The following SPNS2 variants were observed in gnomAD, a reference collection of about 807,000 sequenced individuals.
SPNS2 encodes the protein sphingosine-1-phosphate transporter SPNS2.
Under a neutral mutation model 57.6 loss-of-function variants are expected in SPNS2, and 37 were observed. The ratio of observed to expected loss-of-function variants is 0.64; its 90% CI spans 0.49 to 0.85. SPNS2 has a LOEUF of 0.85. Among genes scored for constraint, SPNS2 ranks in the 40% least tolerant of loss-of-function variants. SPNS2 has a pLI of 0.00. For missense variants in SPNS2, 831 were observed against 779.1 expected (o/e 1.07, Z -0.79); for synonymous variants, 440 against 346.9 (o/e 1.27, Z -2.98).
chr17:4,525,241 C>T (rs184114281), intron 3 of SPNS2, 48 bp downstream of exon 3: 896 of 1,599,632 alleles, frequency 5.6e-4, no homozygotes, highest in Non-Finnish European at 7.1e-4. Flanking sequence ...CTGGTCCCTC[C>T]AGCGAGTGGC....
Position 4,499,227 on chromosome 17 carries a change from G to A in SPNS2, c.180G>A (p.Leu60=). The A allele has an allele frequency of 4.1e-6, 6 of 1,454,774 alleles. No individual in the cohort carries two copies. Among genetic ancestry groups the A allele is most frequent in the Non-Finnish European group, 5.4e-6 (6 of 1,110,034 alleles). The allele number at this position is 1,454,774 out of a possible 1,614,324, so 90.1% of individuals were successfully genotyped here. A position where few individuals can be genotyped will look rare whatever the true frequency, so the allele number is the denominator to read the frequency against. The stretch of plus-strand genomic sequence containing the variant: ...CCGCGGGCGATGAGGTGCAGACGCT[G>A]TCGGGCAGCGTAAGGCGGGCCCCGA... ...VSAAGDEVQT[L]SGSVRRAPTG... is the part of the protein sequence containing the mutation. Residue 60 remains leucine (L), a synonymous_variant, in exon 1 of 13, where the codon CTG becomes CTA. Transcript: ENST00000329078. This position sits in a 1 kb window ranked among gnomAD's most constrained non-coding sequence, Gnocchi z 5.2.
chr17:4,534,245 G>T, intron 9 of SPNS2: 1 of 275,280 alleles, frequency 3.6e-6, no homozygotes, highest in Non-Finnish European at 7.2e-6. Context: ...GCCTGCGGCT[G>T]GGGCTGGGCG....
chr17:4,532,155 CGTCTGTCCATCTGTCCATCT>C (rs1439651614), intron 5 of SPNS2, among the ~76,000 whole-genome samples: 1 of 131,146 alleles, frequency 7.6e-6, no homozygotes, highest in Non-Finnish European at 1.6e-5. Flanking sequence ...TCTGTCCATC[CGTCTGTCCATCTGTCCATCT>C]ATCCGTCCAT....
chr17:4,511,567 TGGGTCAG>T lies in SPNS2; in HGVS notation c.371-1677_371-1671del, dbSNP rs1904830055. 6.6e-6 allele frequency among the ~76,000 whole-genome samples: 1 copy of T among 152,196 alleles called. No homozygotes were observed. The highest frequency in any genetic ancestry group is 1.5e-5 in the Non-Finnish European group (1 of 68,024). ...TTGTGGGGCTGTGAGCCTCTGGGGC[TGGGTCAG>T]GGCACCTCAGAGGTCCCTCTTGCTG... On this transcript the variant is annotated intron_variant, in intron 1 of 12. Coordinates refer to ENST00000329078, the MANE Select transcript of SPNS2 (RefSeq NM_001124758.3). This position sits in a 1 kb window ranked among gnomAD's most constrained non-coding sequence, Gnocchi z 4.6.
At chr17:4,527,671 A>G (rs146320732) in intron 3 of SPNS2, among the ~76,000 whole-genome samples, 1 of 152,312 alleles carries the variant, frequency 6.6e-6, no homozygotes, top group African/African-American at 2.4e-5. Context: ...AACCAGGGAA[A>G]TGCAAATTAG....
chr17:4,500,949 C>T (rs570247635), intron 1 of SPNS2, among the ~76,000 whole-genome samples: 1 of 152,270 alleles, frequency 6.6e-6, no homozygotes, highest in Admixed American at 6.5e-5. Context: ...TTGAGCACCT[C>T]CCAAAAACGC....
intron 11 of SPNS2, 77 bp from the exon 12 acceptor site, chr17:4,536,823 A>G (rs1253067060): frequency 4.0e-6 from 5 of 1,259,366 alleles, no homozygotes; most frequent in Non-Finnish European, 5.8e-6. Flanking sequence ...GGCCCCCACG[A>G]CACGATGTGC....
intron 2 of SPNS2, among the ~76,000 whole-genome samples, chr17:4,522,891 G>A (rs575469549): frequency 7.9e-5 from 12 of 152,326 alleles, no homozygotes; most frequent in African/African-American, 2.9e-4. Context: ...TAAACCTCTT[G>A]TTCTGGAAGA....
chr17:4,530,584 C>G, intron 3 of SPNS2, 48 bp from the exon 4 acceptor site: 3 of 1,578,382 alleles, frequency 1.9e-6, no homozygotes, highest in African/African-American at 1.3e-5. Context: ...GGATGACAGG[C>G]AGACGGTGGG....
rs188965631 is a variant in SPNS2 at position 4,510,979 on chromosome 17, C to T, written c.371-2268C>T. Among the ~76,000 whole-genome samples the T allele has an allele frequency of 1.9e-3, 282 of 152,332 alleles. 1 individual carries two copies. The highest frequency in any genetic ancestry group is 0.017 in the Middle Eastern group (5 of 294). ...CAAATTACTTCATGTCTCAGAGCCT[C>T]GGTTTCTTCCTATATAAAATGGGAT... On this transcript the variant is annotated intron_variant, in intron 1 of 12. Coordinates refer to ENST00000329078, the MANE Select transcript of SPNS2 (RefSeq NM_001124758.3). This position sits in a 1 kb window ranked among gnomAD's most constrained non-coding sequence, Gnocchi z 4.4.
intron 1 of SPNS2, among the ~76,000 whole-genome samples, chr17:4,501,535 C>T (rs1256320124): frequency 6.6e-6 from 1 of 152,192 alleles, no homozygotes; most frequent in Non-Finnish European, 1.5e-5. Flanking sequence ...GTGCCTCCCT[C>T]CCTCTCCTGG....
At chr17:4,521,259 A>G (rs1015540697) in intron 2 of SPNS2, among the ~76,000 whole-genome samples, 1 of 152,158 alleles carries the variant, frequency 6.6e-6, no homozygotes, top group Admixed American at 6.5e-5. Context: ...GCACAGGGAG[A>G]ACAATTCCTC....
chr17:4,525,269 T>C, intron 3 of SPNS2, 76 bp downstream of exon 3: 18 of 1,563,422 alleles, frequency 1.2e-5, no homozygotes, highest in Non-Finnish European at 1.6e-5. Flanking sequence ...ATTGGCCTGT[T>C]GAAGAATCCA....
chr17:4,534,382 CAGGAGTGGAGCT>C (rs1482725101), intron 9 of SPNS2: 2 of 181,898 alleles, frequency 1.1e-5, no homozygotes, highest in South Asian at 1.3e-4. Flanking sequence ...TGGGAGGAGC[CAGGAGTGGAGCT>C]AGGAGTTCAT....
chr17:4,512,630 CAG>C lies in SPNS2; in HGVS notation c.371-616_371-615del, dbSNP rs999380323. On this transcript the variant is annotated intron_variant, in intron 1 of 12. Transcript: ENST00000329078. This position sits in a 1 kb window ranked among gnomAD's most constrained non-coding sequence, Gnocchi z 5.2. ...ATAATCCTGAGGGCAGCTGGGGTGA[CAG>C]TGTGTGTGTGTGCGTGCGCGCGCAC... Among the ~76,000 whole-genome samples, 72 of 150,560 alleles carry C rather than the reference CAG, an allele frequency of 4.8e-4. No individual in the cohort carries two copies. Among genetic ancestry groups the C allele is most frequent in the African/African-American group, 1.6e-3 (66 of 40,136 alleles).
chr17:4,536,563 G>A (rs1475211084), intron 11 of SPNS2, 137 bp downstream of exon 11: 1 of 1,139,332 alleles, frequency 8.8e-7, no homozygotes, highest in South Asian at 1.6e-5. Context: ...GGTTGCTGGG[G>A]TCCAGCCCTG....
Position 4,499,473 on chromosome 17 carries a change from C to G in SPNS2, c.370+56C>G. 1 of 1,159,090 alleles carries G rather than the reference C, an allele frequency of 8.6e-7. No individual in the cohort carries two copies. The highest frequency in any genetic ancestry group is 1.1e-6 in the Non-Finnish European group (1 of 894,372). The allele number at this position is 1,159,090 out of a possible 1,614,324, so 71.8% of individuals were successfully genotyped here. A position where few individuals can be genotyped will look rare whatever the true frequency, so the allele number is the denominator to read the frequency against. ...CAAGACCCCACCCCATCCCACCACC[C>G]GCCTCGAGGGAGGTACCCCAGAGAG... is the stretch of plus-strand genomic sequence containing the variant. On this transcript the variant is annotated intron_variant, in intron 1 of 12. Transcript: ENST00000329078. This position sits in a 1 kb window ranked among gnomAD's most constrained non-coding sequence, Gnocchi z 5.2.
chr17:4,514,909 G>A (rs561669893), intron 2 of SPNS2, among the ~76,000 whole-genome samples: 20 of 152,342 alleles, frequency 1.3e-4, no homozygotes, highest in South Asian at 1.0e-3. Flanking sequence ...TGTGGCCCCT[G>A]ACTCACTGGG....
chr17:4,501,236 G>T (rs958095738), intron 1 of SPNS2, among the ~76,000 whole-genome samples: 10 of 152,126 alleles, frequency 6.6e-5, no homozygotes, highest in Admixed American at 2.0e-4. Context: ...TTCTGGCACT[G>T]TAGCGCTCTC....
Sources: gnomAD v4.1 joint callset for allele counts (sites outside exome capture counted in the v4.1 genomes callset) on GRCh38, gnomAD v4.1.1 for gene constraint, Gnocchi (gnomAD v3.1) non-coding constraint, MANE v1.5 for transcripts, NCBI Gene and HGNC (gene_info 2026-07-23, HGNC 2026-07-21) for gene names.